Variants in MEF2A observed in about 807,000 individuals in gnomAD.
MEF2A encodes the protein myocyte-specific enhancer factor 2A.
A neutral mutation model predicts 55.8 loss-of-function variants in MEF2A; 28 were observed. That is an observed-to-expected ratio of 0.50 (90% CI 0.37 to 0.69). The LOEUF (loss-of-function observed/expected upper bound fraction) is 0.69, where lower values mean the gene tolerates loss of function less well. Ranked by LOEUF, MEF2A falls within the 30% of genes least tolerant of loss-of-function variation. The pLI is 0.00. For synonymous variants in MEF2A, 239 were observed against 227.1 expected (o/e 1.05, Z -0.47); for missense variants, 528 against 626.2 (o/e 0.84, Z 1.67).
At chr15:99,610,748 C>T (rs556415632) in intron 2 of MEF2A, among the ~76,000 whole-genome samples, 1 of 152,010 alleles carries the variant, frequency 6.6e-6, no homozygotes, top group African/African-American at 2.4e-5. Flanking sequence ...GTGTTCAGAC[C>T]TCTAACACTA....
At chr15:99,571,473 G>A (rs940027620) in intron 1 of MEF2A, among the ~76,000 whole-genome samples, 9 of 152,054 alleles carry the variant, frequency 5.9e-5, no homozygotes, top group Non-Finnish European at 1.2e-4. Flanking sequence ...GTTAGTCATG[G>A]CTCACTTTAT....
Position 99,712,367 on chromosome 15 carries a change from C to T in MEF2A, c.1137-23C>T, listed in dbSNP as rs2058728699. 1 of 1,506,192 alleles carries T rather than the reference C, an allele frequency of 6.6e-7. No individual in the cohort carries two copies. The highest frequency in any genetic ancestry group is 2.1e-5 in the Admixed American group (1 of 48,218). 93.3% of individuals were successfully genotyped at this position (1,506,192 alleles called of 1,614,324 possible). A position where few individuals can be genotyped will look rare whatever the true frequency, so the allele number is the denominator to read the frequency against. Reference sequence around the variant, plus strand: ...GCAGAGGTACTTGCAAGCCATCTGACCTCTCTCTTTTTTTTCCTTCAGTGC... The same window carrying T: ...GCAGAGGTACTTGCAAGCCATCTGATCTCTCTCTTTTTTTTCCTTCAGTGC... On this transcript the variant is annotated intron_variant, in intron 11 of 11. Transcript: ENST00000557942. This position sits in a 1 kb window ranked among gnomAD's most constrained non-coding sequence, Gnocchi z 4.1.
chr15:99,610,988 TC>T (rs1977057728), intron 2 of MEF2A, among the ~76,000 whole-genome samples: 1 of 152,262 alleles, frequency 6.6e-6, no homozygotes, highest in Admixed American at 6.5e-5. Flanking sequence ...ATGCCTATAA[TC>T]CCAGCACTTC....
At chr15:99,696,385 T>C (rs2056486681) in intron 8 of MEF2A, among the ~76,000 whole-genome samples, 1 of 152,184 alleles carries the variant, frequency 6.6e-6, no homozygotes, top group Admixed American at 6.5e-5. Flanking sequence ...TTTCAGTGAA[T>C]TGAAATCAGG....
chr15:99,701,680 GCTGT>G (rs879400159), intron 8 of MEF2A, among the ~76,000 whole-genome samples: 5 of 152,180 alleles, frequency 3.3e-5, no homozygotes, highest in Non-Finnish European at 7.3e-5. Flanking sequence ...CTTTGTAAAT[GCTGT>G]CTAAAATTAT....
chr15:99,598,577 T>A (rs1172708294), intron 2 of MEF2A, 66 bp downstream of exon 2: 1 of 152,168 alleles, frequency 6.6e-6, no homozygotes. Flanking sequence ...AATCAGGCTG[T>A]TCTTGTGAGA....
chr15:99,621,689 T>G (rs563106829), intron 2 of MEF2A, among the ~76,000 whole-genome samples: 13 of 152,354 alleles, frequency 8.5e-5, no homozygotes, highest in African/African-American at 2.4e-4. Context: ...CACTTGTCCA[T>G]GACCATCTCA....
chr15:99,645,755 T>C lies in MEF2A; in HGVS notation c.249T>C (p.Asp83=), dbSNP rs769084157. The change falls in exon 4 of 12, where the codon GAT becomes GAC. Residue 83 remains aspartate, a synonymous_variant. Transcript: ENST00000557942. The stretch of plus-strand genomic sequence containing the variant: ...CTCATGAAAGCAGAACCAACTCGGA[T>C]ATTGTTGAGGTAACACATATCTAGT... The part of the protein sequence containing the change: ...NEPHESRTNS[D]IVETLRKKGL... The C allele has an allele frequency of 1.2e-6, 2 of 1,600,996 alleles. No homozygotes were observed. The highest frequency in any genetic ancestry group is 2.2e-5 in the South Asian group (2 of 89,108).
At chr15:99,574,289 C>A (rs949020331) in intron 1 of MEF2A, among the ~76,000 whole-genome samples, 1 of 152,120 alleles carries the variant, frequency 6.6e-6, no homozygotes, top group Admixed American at 6.6e-5. Context: ...GCAGCTATTA[C>A]CAGCCTTTTT....
At chr15:99,711,365 T>C (rs770451058) in intron 11 of MEF2A, among the ~76,000 whole-genome samples, 4 of 152,184 alleles carry the variant, frequency 2.6e-5, no homozygotes, top group Non-Finnish European at 5.9e-5. Flanking sequence ...CCAAACCTCA[T>C]TCACAAAGAG....
rs540341399 is a variant in MEF2A at position 99,703,269 on chromosome 15, A to C, written c.859-93A>C. 4 of 1,155,714 alleles carry C rather than the reference A, an allele frequency of 3.5e-6. No homozygotes were observed. The East Asian group carries it at 9.8e-5, about 28-fold the overall frequency. The allele number at this position is 1,155,714 out of a possible 1,614,324, so 71.6% of individuals were successfully genotyped here. A position where few individuals can be genotyped will look rare whatever the true frequency, so the allele number is the denominator to read the frequency against. On this transcript the variant is annotated intron_variant, in intron 8 of 11. Transcript: ENST00000557942. ...CTCTTTAGAGTTCCAGACAGCTGCT[A>C]GTGTCCAAATATGTTTTTTCTAAAG...
intron 7 of MEF2A, among the ~76,000 whole-genome samples, chr15:99,684,272 C>G (rs1041918672): frequency 6.6e-6 from 1 of 152,162 alleles, no homozygotes; most frequent in Non-Finnish European, 1.5e-5. Context: ...ACTTTTAGTT[C>G]TTTAAGCAAT....
At chr15:99,671,155 A>G (rs1158612985) in intron 4 of MEF2A, among the ~76,000 whole-genome samples, 168 bp from the exon 5 acceptor site, 2 of 152,208 alleles carry the variant, frequency 1.3e-5, no homozygotes, top group African/African-American at 4.8e-5. Context: ...CTTATATTTA[A>G]TGTTTATCTT....
chr15:99,671,660 G>T, intron 5 of MEF2A: 2 of 1,570,462 alleles, frequency 1.3e-6, no homozygotes, highest in African/African-American at 1.4e-5. Flanking sequence ...AAATCGCAGT[G>T]AGTACTAAAG....
At position 99,713,017 on chromosome 15, in the gene MEF2A, C is replaced by T. The variant is rs1054515148; in HGVS notation, c.*246C>T. 15 of 525,752 alleles carry T rather than the reference C, an allele frequency of 2.9e-5. No individual in the cohort carries two copies. The highest frequency in any genetic ancestry group is 4.3e-5 in the Non-Finnish European group (13 of 300,214). 32.6% of individuals were successfully genotyped at this position (525,752 alleles called of 1,614,324 possible). ...TGTGTCCCATGGCAGACAAAGCACC[C>T]TGTAGGCACAGACAAGTCTGGCACT... On this transcript the variant is annotated 3_prime_UTR_variant, in exon 12 of 12. Transcript: ENST00000557942.
At chr15:99,631,065 T>C (rs746024677) in intron 2 of MEF2A, among the ~76,000 whole-genome samples, 3 of 152,204 alleles carry the variant, frequency 2.0e-5, no homozygotes, top group Non-Finnish European at 4.4e-5. Context: ...CAGATTATCT[T>C]GTGTTTTTCT....
At chr15:99,698,702 G>A (rs1015568578) in intron 8 of MEF2A, among the ~76,000 whole-genome samples, 3 of 151,884 alleles carry the variant, frequency 2.0e-5, no homozygotes, top group South Asian at 2.1e-4. Flanking sequence ...TGAGGCAGGA[G>A]AATCGCTTGA....
At chr15:99,589,999 A>T (rs1968703044) in intron 1 of MEF2A, among the ~76,000 whole-genome samples, 1 of 152,048 alleles carries the variant, frequency 6.6e-6, no homozygotes, top group Non-Finnish European at 1.5e-5. Flanking sequence ...TATTCAGTTA[A>T]ACCAAGGTGG....
chr15:99,579,643 G>T (rs1273223080), intron 1 of MEF2A, among the ~76,000 whole-genome samples: 1 of 152,142 alleles, frequency 6.6e-6, no homozygotes, highest in African/African-American at 2.4e-5. Context: ...TGATCCACTT[G>T]CCTCAACCTC....
Sources: gnomAD v4.1 joint callset for allele counts (sites outside exome capture counted in the v4.1 genomes callset) on GRCh38, gnomAD v4.1.1 for gene constraint, Gnocchi (gnomAD v3.1) non-coding constraint, MANE v1.5 for transcripts, NCBI Gene and HGNC (gene_info 2026-07-23, HGNC 2026-07-21) for gene names.